The following SYCP1 variants were observed in gnomAD, a reference collection of about 807,000 sequenced individuals.
SYCP1 encodes the protein synaptonemal complex protein 1.
Under a neutral mutation model 153.1 loss-of-function variants are expected in SYCP1, and 64 were observed. The observed-to-expected ratio is 0.42, with a 90% CI of 0.34 to 0.51. The LOEUF (loss-of-function observed/expected upper bound fraction) is 0.51. Among genes scored for constraint, SYCP1 ranks in the 20% least tolerant of loss-of-function variants. SYCP1 has a pLI of 0.06. For synonymous variants in SYCP1, 384 were observed against 341.8 expected (o/e 1.12, Z -1.36); for missense variants, 997 against 1,049.0 (o/e 0.95, Z 0.68).
At chr1:114,980,781 A>G (rs1329124486) in intron 28 of SYCP1, among the ~76,000 whole-genome samples, 2 of 151,904 alleles carry the variant, frequency 1.3e-5, no homozygotes, top group Non-Finnish European at 2.9e-5. Flanking sequence ...ATTTTTAAAA[A>G]TTTAACTTTT....
At chr1:114,897,082 C>G (rs1393258608) in intron 16 of SYCP1, among the ~76,000 whole-genome samples, 2 of 152,168 alleles carry the variant, frequency 1.3e-5, no homozygotes, top group African/African-American at 4.8e-5. Flanking sequence ...GTCGGAGGTT[C>G]TCCGGGGAGA....
chr1:114,986,773 G>A (rs1163383427), intron 30 of SYCP1, among the ~76,000 whole-genome samples: 1 of 151,946 alleles, frequency 6.6e-6, no homozygotes, highest in African/African-American at 2.4e-5. Flanking sequence ...AAAGTATACT[G>A]GCAGAAACTG....
intron 8 of SYCP1, 54 bp downstream of exon 8, chr1:114,860,863 G>C: frequency 2.3e-6 from 3 of 1,320,448 alleles, no homozygotes; most frequent in Non-Finnish European, 3.1e-6. Context: ...ACTGGTAGAG[G>C]TGGAGAGGGA....
intron 15 of SYCP1, among the ~76,000 whole-genome samples, chr1:114,894,502 C>G (rs1303596964): frequency 1.3e-5 from 2 of 151,972 alleles, no homozygotes; most frequent in African/African-American, 4.8e-5. Context: ...TTGAAAAATG[C>G]GGGAGGCTTG....
chr1:114,872,595 G>A (rs151283187), intron 8 of SYCP1, among the ~76,000 whole-genome samples: 86 of 152,156 alleles, frequency 5.7e-4, no homozygotes, highest in Non-Finnish European at 9.4e-4. Flanking sequence ...AAAATTCTTA[G>A]TCATTATTGT....
At chr1:114,904,806 G>T (rs1199174672) in intron 16 of SYCP1, among the ~76,000 whole-genome samples, 1 of 152,172 alleles carries the variant, frequency 6.6e-6, no homozygotes, top group Non-Finnish European at 1.5e-5. Context: ...AAAACATTCA[G>T]TGTTTTACCA....
intron 28 of SYCP1, 184 bp downstream of exon 28, chr1:114,977,800 G>T: frequency 8.1e-6 from 3 of 370,550 alleles, no homozygotes; most frequent in Non-Finnish European, 1.5e-5. Context: ...TCAAAATTTT[G>T]TCATTTGGAG....
chr1:114,914,074 T>C (rs748439776), intron 20 of SYCP1, 29 bp downstream of exon 20: 2 of 1,484,514 alleles, frequency 1.3e-6, no homozygotes. Context: ...CCTTTTTTTG[T>C]CTGGCAAAAG....
chr1:114,869,531 A>T (rs1369191374), intron 8 of SYCP1, among the ~76,000 whole-genome samples: 1 of 152,160 alleles, frequency 6.6e-6, no homozygotes, highest in African/African-American at 2.4e-5. Context: ...GCAGTCTGTA[A>T]ATGTCAAGGT....
chr1:114,864,532 AG>A (rs552538383), intron 8 of SYCP1, among the ~76,000 whole-genome samples: 21 of 152,052 alleles, frequency 1.4e-4, no homozygotes, highest in African/African-American at 4.8e-4. Context: ...ACTGTTGCCC[AG>A]GCTGGAGTGC....
At position 114,934,724 on chromosome 1, in the gene SYCP1, A is replaced by C. The variant is rs530344876; in HGVS notation, c.1926+8161A>C. Among the ~76,000 whole-genome samples, 348 of 152,326 alleles carry C rather than the reference A, an allele frequency of 2.3e-3. 4 individuals carry two copies. The highest frequency in any genetic ancestry group is 2.3e-3 in the Non-Finnish European group (157 of 68,026). On this transcript the variant is annotated intron_variant, in intron 23 of 31. Transcript: ENST00000369522. ...AGGGGTGGAGAAAGATCTACCAAGCAAATGGAAAACAAAAAAAAGCAGGGG... is the reference window on the plus strand; with the variant it reads ...AGGGGTGGAGAAAGATCTACCAAGCCAATGGAAAACAAAAAAAAGCAGGGG...
chr1:114,936,332 GCCT>G (rs1004878460), intron 23 of SYCP1, among the ~76,000 whole-genome samples: 1 of 152,070 alleles, frequency 6.6e-6, no homozygotes, highest in African/African-American at 2.4e-5. Context: ...TGCAGAAAAG[GCCT>G]TTGGCAAAAT....
rs71582509 is a variant in SYCP1, at chr1:114,857,136, C to CAAAAAAAAAAAAAAAAAAA, written c.194-93_194-75dup. Reference sequence around the variant, plus strand: ...ATAGTGCCAGATGTCCTCTCTCTCTCAAAAAAAAAAAAAAAAAAAAAGAGA... The same window carrying CAAAAAAAAAAAAAAAAAAA: ...ATAGTGCCAGATGTCCTCTCTCTCTCAAAAAAAAAAAAAAAAAAAAAAAAAAAAAAAAAAAAAAAAGAGA... On this transcript the variant is annotated intron_variant, in intron 3 of 31. Transcript: ENST00000369522. 148 of 245,186 alleles carry CAAAAAAAAAAAAAAAAAAA rather than the reference C, an allele frequency of 6.0e-4. 3 individuals are homozygous for CAAAAAAAAAAAAAAAAAAA. Among genetic ancestry groups the CAAAAAAAAAAAAAAAAAAA allele is most frequent in the African/African-American group, 2.7e-3 (45 of 16,856 alleles). 15.2% of individuals were successfully genotyped at this position (245,186 alleles called of 1,614,324 possible).
At chr1:114,910,162 AAATTAATCATCTGTAACT>A (rs1348347400) in intron 16 of SYCP1, 26 of 272,436 alleles carry the variant, frequency 9.5e-5, no homozygotes, top group African/African-American at 5.6e-4. Flanking sequence ...GAATGATGAG[AAATTAATCATCTGTAACT>A]AAACAATTAA....
chr1:114,892,907 G>T (rs1401093146), intron 15 of SYCP1, among the ~76,000 whole-genome samples: 8 of 152,006 alleles, frequency 5.3e-5, no homozygotes, highest in Admixed American at 3.9e-4. Flanking sequence ...AATGGTACGG[G>T]GCTATAGCTG....
Position 114,857,136 on chromosome 1 carries a change from C to CAAAAAAAAA in SYCP1, c.194-83_194-75dup, listed in dbSNP as rs71582509. ...ATAGTGCCAGATGTCCTCTCTCTCT[C>CAAAAAAAAA]AAAAAAAAAAAAAAAAAAAAAGAGA... is the stretch of plus-strand genomic sequence containing the variant. On this transcript the variant is annotated intron_variant, in intron 3 of 31. Coordinates refer to ENST00000369522, the MANE Select transcript of SYCP1 (RefSeq NM_003176.4). 2.7e-3 allele frequency: 653 copies of CAAAAAAAAA among 244,870 alleles called. 6 individuals carry two copies. Among genetic ancestry groups the CAAAAAAAAA allele is most frequent in the Middle Eastern group, 3.4e-3 (2 of 588 alleles). The allele number at this position is 244,870 out of a possible 1,614,324, so 15.2% of individuals were successfully genotyped here. A position where few individuals can be genotyped will look rare whatever the true frequency, so the allele number is the denominator to read the frequency against.
At chr1:114,883,959 G>T (rs2101533982) in intron 12 of SYCP1, among the ~76,000 whole-genome samples, 1 of 152,206 alleles carries the variant, frequency 6.6e-6, no homozygotes. Flanking sequence ...CCAAAGTGCT[G>T]GGATTACAGG....
intron 25 of SYCP1, among the ~76,000 whole-genome samples, chr1:114,945,348 A>G (rs918911986): frequency 6.6e-6 from 1 of 152,028 alleles, no homozygotes; most frequent in Non-Finnish European, 1.5e-5. Flanking sequence ...GGCTAAATCA[A>G]TTTTTATCAA....
At chr1:114,863,766 CTT>C (rs1664533546) in intron 8 of SYCP1, among the ~76,000 whole-genome samples, 1 of 151,970 alleles carries the variant, frequency 6.6e-6, no homozygotes, top group Non-Finnish European at 1.5e-5. Flanking sequence ...CCTTTGCCGA[CTT>C]TTTGAATGGG....
Sources: gnomAD v4.1 joint callset for allele counts (sites outside exome capture counted in the v4.1 genomes callset) on GRCh38, gnomAD v4.1.1 for gene constraint, MANE v1.5 for transcripts, NCBI Gene and HGNC (gene_info 2026-07-23, HGNC 2026-07-21) for gene names.